Variants in CKAP5 observed in about 807,000 individuals in gnomAD.
CKAP5 encodes the protein cytoskeleton associated protein 5, also known as cytoskeleton-associated protein 5.
In CKAP5, 27 loss-of-function variants were observed where a neutral mutation model predicts 232.8. The ratio of observed to expected loss-of-function variants is 0.12; its 90% CI spans 0.09 to 0.16. CKAP5 has a LOEUF of 0.16. Among genes scored for constraint, CKAP5 ranks in the 10% least tolerant of loss-of-function variants. The pLI is 1.00. For synonymous variants in CKAP5, 785 were observed against 841.1 expected, an observed-to-expected ratio of 0.93 and a Z score of 1.16; for missense variants, 1,838 against 2,424.7, an observed-to-expected ratio of 0.76 and a Z score of 5.08.
chr11:46,802,194 G>A (rs920754411), intron 8 of CKAP5: 3 of 152,072 alleles, frequency 2.0e-5, no homozygotes, highest in Admixed American at 1.3e-4. Flanking sequence ...AGTCTCAGTC[G>A]ATTCTCCTCT....
chr11:46,799,308 T>G (rs1023587513), intron 9 of CKAP5, among the ~76,000 whole-genome samples: 1 of 152,158 alleles, frequency 6.6e-6, no homozygotes, highest in African/African-American at 2.4e-5. Context: ...CAAAGCTCAA[T>G]GGCATCCAAA....
At chr11:46,828,640 A>G (rs1261401973) in intron 1 of CKAP5, among the ~76,000 whole-genome samples, 1 of 151,940 alleles carries the variant, frequency 6.6e-6, no homozygotes, top group Non-Finnish European at 1.5e-5. Context: ...TGCAATAAAC[A>G]TAGTACAATG....
At chr11:46,809,680 T>C in intron 6 of CKAP5, 62 bp downstream of exon 6, 1 of 1,590,064 alleles carries the variant, frequency 6.3e-7, no homozygotes. Flanking sequence ...TGAACACAGA[T>C]TCTCATGGCA....
rs747763815 is a variant in CKAP5 at position 46,762,996 on chromosome 11, T to C, written c.3871A>G (p.Ile1291Val). ...HLTENEASSFIPYLVVKVGEP... is the reference protein window; with the variant it reads ...HLTENEASSFVPYLVVKVGEP... ...ATTACCTTGACGACAAGATAGGGGA[T>C]GAAGGAAGATGCTTCATTCTCAGTA... The change falls in exon 30 of 44, where the codon ATC becomes GTC. Residue 1291 changes from isoleucine (I) to valine (V), a missense_variant. Around this residue, in one of 6 missense-constraint regions of CKAP5, gnomAD observed 48 missense variants for 98.1 expected, o/e 0.49. Coordinates refer to ENST00000529230, the MANE Select transcript of CKAP5 (RefSeq NM_001008938.4). 6.2e-7 allele frequency: 1 copy of C among 1,613,672 alleles called. No homozygotes were observed. Among genetic ancestry groups the C allele is most frequent in the Non-Finnish European group, 8.5e-7 (1 of 1,179,634 alleles).
chr11:46,810,875 G>T, intron 5 of CKAP5, 132 bp downstream of exon 5: 2 of 786,094 alleles, frequency 2.5e-6, no homozygotes, highest in Non-Finnish European at 3.8e-6. Flanking sequence ...AGTTAGCTAT[G>T]CTCAGAAAAG....
rs538073617 is a variant in CKAP5, at chr11:46,803,934, T to C, written c.979-2630A>G. Reference sequence around the variant, plus strand: ...GCTTTATATTTAGCATCTAAATATATATTCTAGGAATGGACATCAAAAACA... The same window carrying C: ...GCTTTATATTTAGCATCTAAATATACATTCTAGGAATGGACATCAAAAACA... On this transcript the variant is annotated intron_variant, in intron 8 of 43. Coordinates refer to ENST00000529230, the MANE Select transcript of CKAP5 (RefSeq NM_001008938.4). Among the ~76,000 whole-genome samples the C allele has an allele frequency of 4.6e-5, 7 of 152,360 alleles. No homozygotes were observed. The East Asian group carries it at 9.6e-4, about 21-fold the overall frequency.
chr11:46,776,493 A>G, intron 23 of CKAP5, 110 bp from the exon 24 acceptor site: 1 of 699,904 alleles, frequency 1.4e-6, no homozygotes, highest in Non-Finnish European at 2.2e-6. Context: ...TAAGGCCCAC[A>G]TGAACATACA....
chr11:46,747,162 T>G (rs1435932358), intron 42 of CKAP5, among the ~76,000 whole-genome samples: 1 of 152,084 alleles, frequency 6.6e-6, no homozygotes, highest in African/African-American at 2.4e-5. Context: ...GGGACCACCA[T>G]CATATATGCA....
rs749167687 is a variant in CKAP5 at position 46,744,506 on chromosome 11, T to G, written c.5776A>C (p.Asn1926His). 6.2e-7 allele frequency: 1 copy of G among 1,614,080 alleles called. No individual in the cohort carries two copies. Among genetic ancestry groups the G allele is most frequent in the African/African-American group, 1.3e-5 (1 of 75,014 alleles). The change falls in exon 43 of 44, where the codon AAT (asparagine) becomes CAT (histidine). Residue 1926 changes from asparagine (N) to histidine (H), a missense_variant. This residue lies in a region of CKAP5 where 579 missense variants were observed against 843.2 expected (regional missense o/e 0.69). Transcript: ENST00000529230. Reference protein sequence around the residue: ...TSTVSSIGNTNGEEVGPSVYL... With the variant: ...TSTVSSIGNTHGEEVGPSVYL... ...ACAGATGGCCCCACTTCTTCCCCAT[T>G]TGTGTTACCTATGGAGGACACTGTG... is the stretch of plus-strand genomic sequence containing the variant.
chr11:46,796,751 A>C (rs186129503), intron 12 of CKAP5, 61 bp downstream of exon 12: 5 of 1,589,074 alleles, frequency 3.1e-6, no homozygotes, highest in Middle Eastern at 1.7e-4. Context: ...CAAGAGACAA[A>C]GCCATGATGC....
At chr11:46,805,036 G>A (rs886330492) in intron 8 of CKAP5, among the ~76,000 whole-genome samples, 26 of 150,528 alleles carry the variant, frequency 1.7e-4, no homozygotes, top group Admixed American at 1.4e-3. Context: ...AGGAGTTCAA[G>A]ACCAACATGA....
At chr11:46,829,816 T>C (rs771432007) in intron 1 of CKAP5, among the ~76,000 whole-genome samples, 1 of 149,730 alleles carries the variant, frequency 6.7e-6, no homozygotes, top group Non-Finnish European at 1.5e-5. Flanking sequence ...AGACAGTATA[T>C]GAAGTCTAAT....
chr11:46,807,074 G>A (rs1046883482), intron 8 of CKAP5, among the ~76,000 whole-genome samples: 2 of 152,136 alleles, frequency 1.3e-5, no homozygotes, highest in African/African-American at 4.8e-5. Flanking sequence ...ATATGCGTTA[G>A]GAAAAGCTTC....
intron 1 of CKAP5, among the ~76,000 whole-genome samples, chr11:46,836,551 AAATAAT>A (rs961722220): frequency 1.3e-5 from 2 of 152,074 alleles, no homozygotes; most frequent in African/African-American, 2.4e-5. Flanking sequence ...CATCTCTTTA[AAATAAT>A]AATAATAATA....
chr11:46,805,709 G>T (rs1295645639), intron 8 of CKAP5, among the ~76,000 whole-genome samples: 2 of 152,314 alleles, frequency 1.3e-5, no homozygotes, highest in East Asian at 1.9e-4. Flanking sequence ...GCCAAGGAGG[G>T]TAGATCACCT....
intron 25 of CKAP5, 156 bp from the exon 26 acceptor site, chr11:46,770,254 C>A: frequency 1.1e-5 from 8 of 718,670 alleles, no homozygotes; most frequent in Non-Finnish European, 1.6e-5. Context: ...AGAGAAGTCA[C>A]ACACATTATG....
chr11:46,796,093 A>G (rs533940750), intron 12 of CKAP5, among the ~76,000 whole-genome samples: 44 of 151,524 alleles, frequency 2.9e-4, no homozygotes, highest in African/African-American at 8.3e-4. Context: ...TGAACTCAGA[A>G]GGCAGAGGTT....
At chr11:46,764,578 A>G (rs964863898) in intron 28 of CKAP5, among the ~76,000 whole-genome samples, 7 of 152,228 alleles carry the variant, frequency 4.6e-5, no homozygotes, top group Admixed American at 6.5e-5. Context: ...ATAAAAATAT[A>G]CATATGATAG....
rs1210509302 is a variant in CKAP5, at chr11:46,763,566, G to C, written c.3602C>G (p.Ser1201Cys). ...TTGTAACCATTTAGCCACACAGCTA[G>C]ACATTTGAGTCTTTAGTTGCTCAAT... ...EYIEQLKTQM[S>C]SCVAKWLQDE... is the part of the protein sequence containing the mutation. The change falls in exon 29 of 44, where the codon TCT becomes TGT. Residue 1201 changes from serine to cysteine, a missense_variant. This residue lies in a region of CKAP5 where 767 missense variants were observed against 954.6 expected (regional missense o/e 0.80). Transcript: ENST00000529230. The C allele has an allele frequency of 2.5e-6, 4 of 1,603,348 alleles. No homozygotes were observed. The highest frequency in any genetic ancestry group is 2.6e-6 in the Non-Finnish European group (3 of 1,175,764).
Sources: gnomAD v4.1 joint callset for allele counts (sites outside exome capture counted in the v4.1 genomes callset) on GRCh38, gnomAD v4.1.1 for gene constraint, gnomAD v4.1.1 regional missense constraint, MANE v1.5 for transcripts, NCBI Gene and HGNC (gene_info 2026-07-23, HGNC 2026-07-21) for gene names.